The following AFF3 variants were observed in gnomAD, a reference collection of about 807,000 sequenced individuals.
AFF3 encodes ALF transcription elongation factor 3.
In AFF3, 32 loss-of-function variants were observed where a neutral mutation model predicts 129.7. That is an observed-to-expected ratio of 0.25 (90% confidence interval 0.19 to 0.33). AFF3 has a LOEUF of 0.33. Among genes scored for constraint, AFF3 ranks in the 10% least tolerant of loss-of-function variants. AFF3 has a pLI of 1.00. For missense variants in AFF3, 1,373 were observed against 1,592.0 expected (o/e 0.86, Z 2.34); for synonymous variants, 644 against 635.4 (o/e 1.01, Z -0.20).
intron 7 of AFF3, among the ~76,000 whole-genome samples, chr2:99,919,015 T>C (rs1695676554): frequency 6.6e-6 from 1 of 152,198 alleles, no homozygotes; most frequent in South Asian, 2.1e-4. Context: ...TTAATACCAA[T>C]TCTAATCATT....
chr2:99,583,845 G>C (rs1390570181), intron 16 of AFF3, among the ~76,000 whole-genome samples: 3 of 152,000 alleles, frequency 2.0e-5, no homozygotes, highest in Non-Finnish European at 2.9e-5. Flanking sequence ...TGGGATTACA[G>C]GTGCCTGCCA....
intron 4 of AFF3, among the ~76,000 whole-genome samples, chr2:100,051,209 AC>A (rs1300302302): frequency 6.6e-6 from 1 of 152,028 alleles, no homozygotes; most frequent in Non-Finnish European, 1.5e-5. Flanking sequence ...TTAAATGCGC[AC>A]CCACTCCCAC....
At chr2:99,954,893 T>C (rs547928142) in intron 7 of AFF3, among the ~76,000 whole-genome samples, 38 of 150,830 alleles carry the variant, frequency 2.5e-4, no homozygotes, top group Admixed American at 6.0e-4. Flanking sequence ...TGTGCACATG[T>C]ACCCTAAAAC....
At chr2:99,896,785 A>C (rs1694002045) in intron 7 of AFF3, among the ~76,000 whole-genome samples, 1 of 151,528 alleles carries the variant, frequency 6.6e-6, no homozygotes, top group South Asian at 2.1e-4. Flanking sequence ...ACAGGCACGC[A>C]CCACCATGCT....
intron 4 of AFF3, among the ~76,000 whole-genome samples, chr2:100,069,561 C>A (rs912027700): frequency 6.6e-6 from 1 of 152,156 alleles, no homozygotes; most frequent in South Asian, 2.1e-4. Context: ...AATATATGAT[C>A]AAGCTTAAGA....
At chr2:99,750,541 C>T (rs962900322) in intron 9 of AFF3, among the ~76,000 whole-genome samples, 2 of 151,784 alleles carry the variant, frequency 1.3e-5, no homozygotes, top group African/African-American at 4.8e-5. Context: ...CCTCAGCGTC[C>T]CAAGTAGCTG....
chr2:99,930,433 T>C (rs973717577), intron 7 of AFF3, among the ~76,000 whole-genome samples: 1 of 152,190 alleles, frequency 6.6e-6, no homozygotes, highest in African/African-American at 2.4e-5. Context: ...ACGTGTACCA[T>C]GCGGTCAGCC....
chr2:100,095,288 T>C (rs1253304448), intron 4 of AFF3, among the ~76,000 whole-genome samples: 1 of 152,162 alleles, frequency 6.6e-6, no homozygotes, highest in African/African-American at 2.4e-5. Context: ...ACCTTCAGGC[T>C]TGAGGGCAAC....
Position 99,968,502 on chromosome 2 carries a change from C to A in AFF3, c.873+38130G>T, listed in dbSNP as rs148611161. Among the ~76,000 whole-genome samples, 762 of 152,152 alleles carry A rather than the reference C, an allele frequency of 5.0e-3. 5 individuals are homozygous for A. The highest frequency in any genetic ancestry group is 0.017 in the African/African-American group (720 of 41,528). ...CCAAGTGGCTGCAATTAAAGCAAAT[C>A]TTTTTTTTCTCCACTTTGGTTGACT... is the stretch of plus-strand genomic sequence containing the variant. On this transcript the variant is annotated intron_variant, in intron 7 of 24. Transcript: ENST00000672756.
chr2:99,892,858 T>G (rs1693676243), intron 7 of AFF3, among the ~76,000 whole-genome samples: 1 of 152,134 alleles, frequency 6.6e-6, no homozygotes, highest in Non-Finnish European at 1.5e-5. Flanking sequence ...TCTTGGGAGA[T>G]CAATATAATT....
At chr2:99,684,061 C>T (rs905234255) in intron 11 of AFF3, among the ~76,000 whole-genome samples, 18 of 152,292 alleles carry the variant, frequency 1.2e-4, no homozygotes, top group East Asian at 1.2e-3. Flanking sequence ...CAGGCTCTAT[C>T]GGCATGGACT....
At chr2:100,106,145 G>C in intron 2 of AFF3, 1 of 1,231,476 alleles carries the variant, frequency 8.1e-7, no homozygotes. Context: ...GCTCAGCCTG[G>C]CTCCCTTCTT....
At chr2:99,752,346 A>G in intron 8 of AFF3, 45 bp from the exon 9 acceptor site, 2 of 1,533,480 alleles carry the variant, frequency 1.3e-6, no homozygotes, top group Non-Finnish European at 1.8e-6. Flanking sequence ...TACAGACAGT[A>G]TTTAAAATCA....
chr2:99,999,383 C>T (rs1313704649), intron 7 of AFF3, among the ~76,000 whole-genome samples: 1 of 152,192 alleles, frequency 6.6e-6, no homozygotes, highest in Non-Finnish European at 1.5e-5. Flanking sequence ...TTCTTTCATC[C>T]ATATCCTTAA....
intron 4 of AFF3, among the ~76,000 whole-genome samples, chr2:100,024,500 C>T (rs771501505): frequency 2.0e-5 from 3 of 151,598 alleles, no homozygotes; most frequent in Admixed American, 6.6e-5. Context: ...CCCAGCTACT[C>T]GGGAGTCTGA....
At chr2:99,578,662 T>C (rs899909860) in intron 17 of AFF3, among the ~76,000 whole-genome samples, 1 of 152,226 alleles carries the variant, frequency 6.6e-6, no homozygotes, top group African/African-American at 2.4e-5. Context: ...CTGTCATTCT[T>C]ATGACACTAT....
At chr2:99,740,604 A>AT (rs1680642707) in intron 10 of AFF3, among the ~76,000 whole-genome samples, 1 of 151,692 alleles carries the variant, frequency 6.6e-6, no homozygotes, top group Non-Finnish European at 1.5e-5. Flanking sequence ...GGCTGCATAA[A>AT]TGTCTTCTTT....
intron 7 of AFF3, among the ~76,000 whole-genome samples, chr2:99,938,309 G>A (rs139827584): frequency 5.9e-5 from 9 of 152,286 alleles, no homozygotes; most frequent in South Asian, 2.1e-4. Flanking sequence ...TATTTGACCC[G>A]TCTGACTGCA....
At chr2:100,044,900 G>A (rs955597269) in intron 4 of AFF3, among the ~76,000 whole-genome samples, 11 of 152,016 alleles carry the variant, frequency 7.2e-5, no homozygotes, top group Non-Finnish European at 1.6e-4. Context: ...CAGCAGCCTC[G>A]CTGTCCAGCA....
Sources: allele counts gnomAD v4.1 joint callset (sites outside exome capture counted in the v4.1 genomes callset), GRCh38; gene constraint gnomAD v4.1.1; transcripts MANE v1.5; gene names NCBI Gene and HGNC (gene_info 2026-07-23, HGNC 2026-07-21).